NAA35: variants seen among roughly 807,000 people sequenced by gnomAD.
The protein encoded by NAA35 is N-alpha-acetyltransferase 35, NatC auxiliary subunit, also known as MAK10 homolog, amino-acid N-acetyltransferase subunit.
In NAA35, 18 loss-of-function variants were observed where a neutral mutation model predicts 101.7. The ratio of observed to expected loss-of-function variants is 0.18; its 90% CI spans 0.12 to 0.26. The LOEUF is 0.26. Ranked by LOEUF, NAA35 falls within the 10% of genes least tolerant of loss-of-function variation. The pLI is 1.00. For missense variants in NAA35, 601 were observed against 886.8 expected (o/e 0.68, Z 4.09); for synonymous variants, 267 against 273.1 (o/e 0.98, Z 0.22).
chr9:85,957,095 G>A (rs549364129), intron 3 of NAA35, among the ~76,000 whole-genome samples: 1 of 152,258 alleles, frequency 6.6e-6, no homozygotes, highest in African/African-American at 2.4e-5. Flanking sequence ...AAGAATCCAC[G>A]TATAACCTTT....
intron 2 of NAA35, among the ~76,000 whole-genome samples, chr9:85,952,244 T>TC (rs1345317841): frequency 6.6e-6 from 1 of 151,846 alleles, no homozygotes; most frequent in East Asian, 1.9e-4. Context: ...TTTTTTTTTT[T>TC]CAGGTAAAAG....
intron 2 of NAA35, among the ~76,000 whole-genome samples, chr9:85,955,360 A>ATATTTTTTT (rs749448250): frequency 1.1e-4 from 6 of 53,934 alleles, no homozygotes; most frequent in Admixed American, 3.8e-4. Flanking sequence ...ATATATATAT[A>ATATTTTTTT]TTTTTTTTTT....
chr9:85,954,705 G>A (rs912806447), intron 2 of NAA35, among the ~76,000 whole-genome samples: 5 of 152,160 alleles, frequency 3.3e-5, no homozygotes, highest in Admixed American at 6.5e-5. Flanking sequence ...GATTTGTGCT[G>A]AAGCTGCAGC....
chr9:85,961,950 T>A (rs1261797208), intron 5 of NAA35, 63 bp from the exon 6 acceptor site: 2 of 1,351,980 alleles, frequency 1.5e-6, no homozygotes, highest in Non-Finnish European at 2.0e-6. Context: ...GACTCTAGGA[T>A]CAATTTAGAC....
intron 5 of NAA35, among the ~76,000 whole-genome samples, chr9:85,961,484 A>G (rs1304475090): frequency 6.6e-6 from 1 of 152,232 alleles, no homozygotes; most frequent in Non-Finnish European, 1.5e-5. Context: ...ACATGGTGCC[A>G]GACATATAGT....
chr9:85,987,338 G>C (rs1830691006), intron 11 of NAA35, among the ~76,000 whole-genome samples: 1 of 152,158 alleles, frequency 6.6e-6, no homozygotes, highest in Non-Finnish European at 1.5e-5. Context: ...CTGTGATATG[G>C]CTCCTTTAAC....
At chr9:86,017,303 G>T (rs1236944867) in intron 18 of NAA35, among the ~76,000 whole-genome samples, 195 bp from the exon 19 acceptor site, 1 of 152,148 alleles carries the variant, frequency 6.6e-6, no homozygotes, top group Non-Finnish European at 1.5e-5. Flanking sequence ...TATAGTATTA[G>T]CTATTTGGGG....
At chr9:85,989,694 G>A (rs1289825502) in intron 11 of NAA35, among the ~76,000 whole-genome samples, 1 of 152,208 alleles carries the variant, frequency 6.6e-6, no homozygotes, top group Non-Finnish European at 1.5e-5. Flanking sequence ...AGCTGTGGCA[G>A]AAGGACAGGC....
In NAA35 at chr9:85,968,574, T is replaced by C. The variant is rs186925909; in HGVS notation, c.517-6393T>C. ...ATGTACATTTTAATAAAAGTACTAA[T>C]ACTTGTATGTAGTTTAAAAAGTTAA... On this transcript the variant is annotated intron_variant, in intron 6 of 22. Coordinates refer to ENST00000361671, the MANE Select transcript of NAA35 (RefSeq NM_024635.4). Among the ~76,000 whole-genome samples, 247 of 152,322 alleles carry C rather than the reference T, an allele frequency of 1.6e-3. 1 individual carries two copies. Among genetic ancestry groups the C allele is most frequent in the African/African-American group, 3.8e-3 (157 of 41,568 alleles).
At chr9:86,014,995 G>C (rs1241316525) in intron 17 of NAA35, among the ~76,000 whole-genome samples, 1 of 151,974 alleles carries the variant, frequency 6.6e-6, no homozygotes, top group African/African-American at 2.4e-5. Flanking sequence ...TGAACTCTTG[G>C]GTTGTCAGTC....
chr9:86,006,901 A>G (rs926532812), intron 13 of NAA35, among the ~76,000 whole-genome samples: 1 of 152,222 alleles, frequency 6.6e-6, no homozygotes, highest in African/African-American at 2.4e-5. Context: ...AATTAAAACA[A>G]ATTATTAAAT....
intron 14 of NAA35, among the ~76,000 whole-genome samples, chr9:86,009,607 G>C (rs1037125387): frequency 2.6e-5 from 4 of 152,132 alleles, no homozygotes; most frequent in African/African-American, 9.7e-5. Context: ...TTTTCTCTTT[G>C]CTAATTTGAT....
chr9:86,001,659 A>T (rs1831423309), intron 12 of NAA35, among the ~76,000 whole-genome samples: 1 of 152,100 alleles, frequency 6.6e-6, no homozygotes, highest in Non-Finnish European at 1.5e-5. Context: ...TGTTGGTGTG[A>T]AATCTGTTTT....
At chr9:85,957,820 T>A (rs1829340579) in intron 3 of NAA35, among the ~76,000 whole-genome samples, 2 of 152,178 alleles carry the variant, frequency 1.3e-5, no homozygotes, top group African/African-American at 4.8e-5. Flanking sequence ...GAAATTCAGT[T>A]CTTCTCAGAT....
intron 15 of NAA35, among the ~76,000 whole-genome samples, chr9:86,010,248 C>CATA (rs544359131): frequency 2.0e-3 from 308 of 150,654 alleles, no homozygotes; most frequent in Middle Eastern, 6.8e-3. Context: ...TCTCAATAAC[C>CATA]ATAATAATAA....
At chr9:86,003,076 T>A (rs1232427502) in intron 12 of NAA35, among the ~76,000 whole-genome samples, 2 of 152,180 alleles carry the variant, frequency 1.3e-5, no homozygotes, top group African/African-American at 4.8e-5. Flanking sequence ...GAAGCTGACT[T>A]CTTGTCTCTG....
In NAA35 at chr9:86,007,475, T is replaced by G; in HGVS notation, c.1223+11T>G. ...GGTGCTTTCCCCCAAGTAAGTATTGTAAGACATTTTAGAGTTGTATGTATG... is the reference window on the plus strand; with the variant it reads ...GGTGCTTTCCCCCAAGTAAGTATTGGAAGACATTTTAGAGTTGTATGTATG... On this transcript the variant is annotated intron_variant, in intron 14 of 22. Coordinates refer to ENST00000361671, the MANE Select transcript of NAA35 (RefSeq NM_024635.4). The G allele has an allele frequency of 6.2e-7, 1 of 1,605,904 alleles. No individual in the cohort carries two copies. Among genetic ancestry groups the G allele is most frequent in the Non-Finnish European group, 8.5e-7 (1 of 1,172,850 alleles).
At position 85,977,360 on chromosome 9, in the gene NAA35, T is replaced by A; in HGVS notation, c.679-3T>A. On this transcript the variant is annotated splice_region_variant and splice_polypyrimidine_tract_variant and intron_variant, in intron 9 of 22. Transcript: ENST00000361671. The stretch of plus-strand genomic sequence containing the variant: ...AACTTTTAGTCCTTTCTTGTTTTTT[T>A]AGCACCAACAATGTTTAGCAGTATT... 3 of 1,608,620 alleles carry A rather than the reference T, an allele frequency of 1.9e-6. No homozygotes were observed. The highest frequency in any genetic ancestry group is 2.6e-6 in the Non-Finnish European group (3 of 1,175,596).
At chr9:86,002,419 G>T (rs540705451) in intron 12 of NAA35, among the ~76,000 whole-genome samples, 25 of 152,216 alleles carry the variant, frequency 1.6e-4, no homozygotes, top group Non-Finnish European at 2.9e-4. Context: ...CAAAGTTGGG[G>T]AAGTTTTCAC....
Sources: allele counts gnomAD v4.1 joint callset (sites outside exome capture counted in the v4.1 genomes callset), GRCh38; gene constraint gnomAD v4.1.1; transcripts MANE v1.5; gene names NCBI Gene and HGNC (gene_info 2026-07-23, HGNC 2026-07-21).